The following IQGAP1 variants were observed in gnomAD, a reference collection of about 807,000 sequenced individuals.
IQGAP1 encodes the protein ras GTPase-activating-like protein IQGAP1.
In IQGAP1, 66 loss-of-function variants were observed where a neutral mutation model predicts 215.6. The ratio of observed to expected loss-of-function variants is 0.31; its 90% confidence interval spans 0.25 to 0.38. IQGAP1 has a LOEUF of 0.38. IQGAP1 is among the 10% of genes least tolerant of loss of function. The probability of loss-of-function intolerance (pLI) is 1.00; values close to 1 mark genes in which losing one functional copy is unlikely to be tolerated. For missense variants in IQGAP1, 1,712 were observed against 1,997.1 expected, an observed-to-expected ratio of 0.86 and a Z score of 2.72; for synonymous variants, 772 against 728.7, an observed-to-expected ratio of 1.06 and a Z score of -0.96.
intron 2 of IQGAP1, among the ~76,000 whole-genome samples, chr15:90,405,441 C>T (rs991198013): frequency 6.6e-6 from 1 of 152,186 alleles, no homozygotes; most frequent in Non-Finnish European, 1.5e-5. Flanking sequence ...GAAGAGATTA[C>T]TAGACTTGCC....
chr15:90,495,778 C>T (rs770458392), intron 36 of IQGAP1, among the ~76,000 whole-genome samples: 1 of 150,350 alleles, frequency 6.7e-6, no homozygotes, highest in Admixed American at 6.6e-5. Context: ...GGTGGGACTA[C>T]AGGCATGCAC....
intron 23 of IQGAP1, among the ~76,000 whole-genome samples, chr15:90,475,234 G>A (rs1391683166): frequency 6.6e-6 from 1 of 151,870 alleles, no homozygotes; most frequent in Non-Finnish European, 1.5e-5. Flanking sequence ...CCTGACCTCG[G>A]GTGATCCACC....
intron 2 of IQGAP1, among the ~76,000 whole-genome samples, chr15:90,419,003 C>T (rs751726070): frequency 6.6e-6 from 1 of 151,900 alleles, no homozygotes; most frequent in Non-Finnish European, 1.5e-5. Context: ...AAAAATTAGC[C>T]GGGTGTTGTG....
intron 3 of IQGAP1, among the ~76,000 whole-genome samples, chr15:90,428,336 CAA>C (rs1486436536): frequency 6.6e-6 from 1 of 152,134 alleles, no homozygotes; most frequent in African/African-American, 2.4e-5. Context: ...CTTGGCCTCT[CAA>C]AGTGCCAGGA....
chr15:90,407,573 A>G (rs956913518), intron 2 of IQGAP1, among the ~76,000 whole-genome samples: 9 of 152,222 alleles, frequency 5.9e-5, no homozygotes. Flanking sequence ...GCAGATTTTC[A>G]GGTTTAGACT....
chr15:90,500,100 G>A lies in IQGAP1; in HGVS notation c.4966G>A (p.Gly1656Arg), dbSNP rs1425163837. 1.6e-5 allele frequency: 25 copies of A among 1,582,100 alleles called. No individual in the cohort carries two copies. Among genetic ancestry groups the A allele is most frequent in the Admixed American group, 8.3e-5 (5 of 59,954 alleles). ...CTTCCTTCTCAACAAAAAGTTCTAC[G>A]GGAAGTAATTGATCGTTTGCTGCCA... Reference protein sequence around the residue: ...LIFLLNKKFYGK With the variant: ...LIFLLNKKFYRK The change falls in exon 38 of 38, where the codon GGG (glycine) becomes AGG (arginine). Residue 1656 changes from glycine to arginine, a missense_variant. This residue lies in a region of IQGAP1 where 691 missense variants were observed against 923.0 expected (regional missense o/e 0.75). Coordinates refer to ENST00000268182, the MANE Select transcript of IQGAP1 (RefSeq NM_003870.4).
At chr15:90,406,761 T>C (rs1964884310) in intron 2 of IQGAP1, among the ~76,000 whole-genome samples, 2 of 152,234 alleles carry the variant, frequency 1.3e-5, no homozygotes, top group Non-Finnish European at 2.9e-5. Flanking sequence ...TTGCTTTCAA[T>C]GTACCGTGAA....
At chr15:90,431,086 A>G (rs1331299886) in intron 4 of IQGAP1, 2 of 149,042 alleles carry the variant, frequency 1.3e-5, no homozygotes, top group East Asian at 1.9e-4. Flanking sequence ...ACATGTAATT[A>G]TATATTACGT....
At chr15:90,414,274 C>A (rs998198195) in intron 2 of IQGAP1, among the ~76,000 whole-genome samples, 27 of 152,116 alleles carry the variant, frequency 1.8e-4, no homozygotes, top group African/African-American at 6.3e-4. Context: ...CTCTTGAGTT[C>A]AGGAGTTCCA....
intron 29 of IQGAP1, among the ~76,000 whole-genome samples, chr15:90,483,907 A>C (rs1241244694): frequency 6.6e-6 from 1 of 152,242 alleles, no homozygotes; most frequent in Non-Finnish European, 1.5e-5. Context: ...ATTAACATCT[A>C]GTTTTGAATT....
Position 90,440,768 on chromosome 15 carries a change from T to C in IQGAP1, c.649+153T>C, listed in dbSNP as rs138888965. Among the ~76,000 whole-genome samples the C allele has an allele frequency of 1.5e-4, 23 of 152,390 alleles. No individual in the cohort carries two copies. The East Asian group carries it at 4.2e-3, about 28-fold the overall frequency. On this transcript the variant is annotated intron_variant, in intron 7 of 37. Coordinates refer to ENST00000268182, the MANE Select transcript of IQGAP1 (RefSeq NM_003870.4). Reference sequence around the variant, plus strand: ...AAACACATAGTCTTCCATGCTGTTATTATTTGGAAATACATGATTAATTCT... The same window carrying C: ...AAACACATAGTCTTCCATGCTGTTACTATTTGGAAATACATGATTAATTCT...
chr15:90,476,890 G>A (rs7495172), intron 24 of IQGAP1, 72 bp downstream of exon 24: 32 of 1,505,552 alleles, frequency 2.1e-5, no homozygotes, highest in Middle Eastern at 1.7e-4. Context: ...CCTTACCATC[G>A]ATCTCTCTGG....
chr15:90,468,000 C>A (rs1212157953), intron 18 of IQGAP1, among the ~76,000 whole-genome samples: 2 of 151,966 alleles, frequency 1.3e-5, no homozygotes, highest in Admixed American at 6.6e-5. Flanking sequence ...AGTACTTTTT[C>A]ATCTTCTGTG....
chr15:90,495,261 C>T (rs866258437), intron 36 of IQGAP1, among the ~76,000 whole-genome samples: 8 of 152,282 alleles, frequency 5.3e-5, no homozygotes, highest in African/African-American at 1.7e-4. Flanking sequence ...ATGGACCTGA[C>T]ATGTCATCCT....
intron 26 of IQGAP1, among the ~76,000 whole-genome samples, chr15:90,481,038 A>G (rs1567140525): frequency 1.3e-5 from 2 of 152,298 alleles, no homozygotes; most frequent in Non-Finnish European, 2.9e-5. Flanking sequence ...ACCGAAAGTC[A>G]TGGTCTCACA....
intron 3 of IQGAP1, among the ~76,000 whole-genome samples, chr15:90,427,112 A>AG (rs1397411777): frequency 2.6e-5 from 4 of 152,048 alleles, no homozygotes; most frequent in Non-Finnish European, 4.4e-5. Flanking sequence ...CAAAAAAAAA[A>AG]ATTAGCCAGA....
At chr15:90,495,026 G>C (rs538496736) in intron 36 of IQGAP1, among the ~76,000 whole-genome samples, 191 bp downstream of exon 36, 4 of 152,030 alleles carry the variant, frequency 2.6e-5, no homozygotes, top group Non-Finnish European at 5.9e-5. Context: ...TCTTTTCCTT[G>C]TTTGTAGAAC....
intron 3 of IQGAP1, among the ~76,000 whole-genome samples, chr15:90,429,006 C>T (rs1439608291): frequency 6.6e-6 from 1 of 152,052 alleles, no homozygotes; most frequent in Non-Finnish European, 1.5e-5. Context: ...GTGTGCACCA[C>T]CACACCTGGC....
chr15:90,497,758 AC>A (rs1177303524), intron 37 of IQGAP1, among the ~76,000 whole-genome samples: 1 of 152,200 alleles, frequency 6.6e-6, no homozygotes, highest in African/African-American at 2.4e-5. Flanking sequence ...ATGTTTGTAA[AC>A]TGAATTCTAT....
Sources: gnomAD v4.1 joint callset for allele counts (sites outside exome capture counted in the v4.1 genomes callset) on GRCh38, gnomAD v4.1.1 for gene constraint, gnomAD v4.1.1 regional missense constraint, MANE v1.5 for transcripts, NCBI Gene and HGNC (gene_info 2026-07-23, HGNC 2026-07-21) for gene names.